INTS9: variants seen among roughly 807,000 people sequenced by gnomAD.
INTS9 encodes the protein integrator complex subunit 9, also known as protein related to CPSF subunits of 74 kDa.
A neutral mutation model predicts 79.7 loss-of-function variants in INTS9; 55 were observed. The observed-to-expected ratio is 0.69, with a 90% CI of 0.56 to 0.86. INTS9 has a LOEUF of 0.86. Ranked by LOEUF, INTS9 falls within the 40% of genes least tolerant of loss-of-function variation. The pLI is 0.00. For missense variants in INTS9, 721 were observed against 831.5 expected (o/e 0.87, Z 1.64); for synonymous variants, 319 against 325.2 (o/e 0.98, Z 0.20).
intron 8 of INTS9, among the ~76,000 whole-genome samples, chr8:28,803,001 A>G (rs1397383261): frequency 6.6e-6 from 1 of 151,832 alleles, no homozygotes; most frequent in African/African-American, 2.4e-5. Flanking sequence ...AGTCCCAGCT[A>G]TTTGGGAGGC....
intron 12 of INTS9, among the ~76,000 whole-genome samples, chr8:28,778,641 A>G (rs936297605): frequency 6.6e-6 from 1 of 152,212 alleles, no homozygotes; most frequent in African/African-American, 2.4e-5. Context: ...GGGCTGCTGC[A>G]GCCTGCTTGG....
intron 1 of INTS9, among the ~76,000 whole-genome samples, chr8:28,872,862 A>T (rs911053816): frequency 7.2e-5 from 11 of 152,174 alleles, no homozygotes; most frequent in African/African-American, 2.7e-4. Flanking sequence ...GCTGAATCTA[A>T]TCCTAACTGG....
At chr8:28,781,335 C>A (rs548142092) in intron 11 of INTS9, among the ~76,000 whole-genome samples, 1 of 152,138 alleles carries the variant, frequency 6.6e-6, no homozygotes, top group Non-Finnish European at 1.5e-5. Context: ...TGATGAGATA[C>A]CACTATACAC....
At chr8:28,793,132 A>C (rs1348264325) in intron 10 of INTS9, among the ~76,000 whole-genome samples, 1 of 152,176 alleles carries the variant, frequency 6.6e-6, no homozygotes, top group Non-Finnish European at 1.5e-5. Context: ...TCTATCGGCT[A>C]CCTCATGACT....
Position 28,848,483 on chromosome 8 carries a change from A to G in INTS9, c.199-1674T>C, listed in dbSNP as rs116266044. Among the ~76,000 whole-genome samples, 1,172 of 152,288 alleles carry G rather than the reference A, an allele frequency of 7.7e-3. 16 individuals are homozygous for G. Among genetic ancestry groups the G allele is most frequent in the African/African-American group, 0.027 (1,125 of 41,536 alleles). ...TGTACTCTCTGGTTTCTCTCCTTAG[A>G]TGAGTACCATTTAACTAGCGACAGG... is the stretch of plus-strand genomic sequence containing the variant. On this transcript the variant is annotated intron_variant, in intron 3 of 16. Transcript: ENST00000521022.
intron 1 of INTS9, among the ~76,000 whole-genome samples, chr8:28,886,146 C>T (rs537931647): frequency 1.4e-4 from 22 of 152,168 alleles, no homozygotes; most frequent in Non-Finnish European, 3.1e-4. Context: ...ATACTAACTT[C>T]AGCACCAAAT....
At chr8:28,843,456 C>T (rs1807314898) in intron 4 of INTS9, among the ~76,000 whole-genome samples, 1 of 152,192 alleles carries the variant, frequency 6.6e-6, no homozygotes, top group Non-Finnish European at 1.5e-5. Flanking sequence ...AATTTGTCTG[C>T]TGTCTCTTGG....
Position 28,859,350 on chromosome 8 carries a change from A to T in INTS9, c.137+86T>A. 2.1e-6 allele frequency: 3 copies of T among 1,421,690 alleles called. No individual in the cohort carries two copies. In the Admixed American group the frequency reaches 6.3e-5, roughly 30 times the overall value. The allele number at this position is 1,421,690 out of a possible 1,614,324, so 88.1% of individuals were successfully genotyped here. Reference sequence around the variant, plus strand: ...AAACAAAGCAAACTTACGACAATATACTAGGTACTAGTAACCTTCATACTA... The same window carrying T: ...AAACAAAGCAAACTTACGACAATATTCTAGGTACTAGTAACCTTCATACTA... On this transcript the variant is annotated intron_variant, in intron 2 of 16. Coordinates refer to ENST00000521022, the MANE Select transcript of INTS9 (RefSeq NM_018250.4).
At chr8:28,802,420 C>A (rs899369640) in intron 8 of INTS9, among the ~76,000 whole-genome samples, 6 of 152,204 alleles carry the variant, frequency 3.9e-5, no homozygotes, top group African/African-American at 1.4e-4. Context: ...TTCAAATAAT[C>A]TCTCCTCTCC....
chr8:28,770,515 G>T (rs554702630), intron 15 of INTS9, among the ~76,000 whole-genome samples: 1 of 152,288 alleles, frequency 6.6e-6, no homozygotes, highest in Admixed American at 6.5e-5. Flanking sequence ...CCCAGCACAG[G>T]GTCTAATAGA....
intron 1 of INTS9, among the ~76,000 whole-genome samples, chr8:28,864,700 C>A (rs115091044): frequency 6.6e-6 from 1 of 151,944 alleles, no homozygotes; most frequent in Non-Finnish European, 1.5e-5. Context: ...TCTTCATGTG[C>A]GTGAGAATGA....
intron 1 of INTS9, among the ~76,000 whole-genome samples, chr8:28,886,459 C>A (rs924794611): frequency 2.0e-5 from 3 of 152,228 alleles, no homozygotes; most frequent in Middle Eastern, 3.4e-3. Context: ...GTTGCTCAGG[C>A]TGGTCTAGAA....
intron 2 of INTS9, among the ~76,000 whole-genome samples, chr8:28,853,233 G>A (rs1171069141): frequency 6.6e-6 from 1 of 152,062 alleles, no homozygotes; most frequent in Non-Finnish European, 1.5e-5. Flanking sequence ...GGCCAACATG[G>A]TGAAACCCTG....
At position 28,774,998 on chromosome 8, in the gene INTS9, G is replaced by C. The variant is rs988967587; in HGVS notation, c.1563+761C>G. 2.6e-5 allele frequency among the ~76,000 whole-genome samples: 4 copies of C among 152,180 alleles called. No individual in the cohort carries two copies. The East Asian group carries it at 7.7e-4, about 29-fold the overall frequency. Reference sequence around the variant, plus strand: ...CTTAGACTTTGATAGACCAAAACCTGCAAGTATGCTCAAGAGGATATAAAT... The same window carrying C: ...CTTAGACTTTGATAGACCAAAACCTCCAAGTATGCTCAAGAGGATATAAAT... On this transcript the variant is annotated intron_variant, in intron 14 of 16. Coordinates refer to ENST00000521022, the MANE Select transcript of INTS9 (RefSeq NM_018250.4).
At chr8:28,826,330 C>G (rs1295706083) in intron 6 of INTS9, among the ~76,000 whole-genome samples, 1 of 152,118 alleles carries the variant, frequency 6.6e-6, no homozygotes, top group African/African-American at 2.4e-5. Flanking sequence ...AAAAAAAGAA[C>G]CAGCAATGCA....
chr8:28,815,054 C>A (rs568904564), intron 6 of INTS9, among the ~76,000 whole-genome samples: 3 of 152,022 alleles, frequency 2.0e-5, no homozygotes, highest in African/African-American at 7.2e-5. Context: ...ATAATAAAGG[C>A]CTCAAGTGGG....
intron 1 of INTS9, among the ~76,000 whole-genome samples, chr8:28,861,785 T>C (rs555715167): frequency 2.0e-5 from 3 of 152,382 alleles, no homozygotes; most frequent in African/African-American, 7.2e-5. Context: ...AAGACTTTAC[T>C]TTTGTTACTG....
In INTS9 at chr8:28,775,876, C is replaced by T. The variant is rs773737752; in HGVS notation, c.1446G>A (p.Gln482=). Residue 482 remains glutamine, a synonymous_variant, in exon 14 of 17, where the codon CAG becomes CAA. Transcript: ENST00000521022. ...PEQYTQPPPA[Q]SHRMDLMIDC... Reference sequence around the variant, plus strand: ...CGATCATGAGGTCCATCCTGTGGGACTGGGCTGGGGGCGGCTGAGTGTACT... The same window carrying T: ...CGATCATGAGGTCCATCCTGTGGGATTGGGCTGGGGGCGGCTGAGTGTACT... 1.2e-6 allele frequency: 2 copies of T among 1,610,630 alleles called. No individual in the cohort carries two copies. Among genetic ancestry groups the T allele is most frequent in the Middle Eastern group, 1.7e-4 (1 of 6,046 alleles).
chr8:28,828,346 A>G (rs1806271548), intron 6 of INTS9, among the ~76,000 whole-genome samples: 1 of 152,274 alleles, frequency 6.6e-6, no homozygotes, highest in South Asian at 2.1e-4. Flanking sequence ...AAAGCAGATT[A>G]TGTAAGCCAC....
Sources: gnomAD v4.1 joint callset for allele counts (sites outside exome capture counted in the v4.1 genomes callset) on GRCh38, gnomAD v4.1.1 for gene constraint, MANE v1.5 for transcripts, NCBI Gene and HGNC (gene_info 2026-07-23, HGNC 2026-07-21) for gene names.